NUP160: variants seen among roughly 807,000 people sequenced by gnomAD.
NUP160 encodes the protein nucleoporin 160.
A neutral mutation model predicts 196.9 loss-of-function variants in NUP160; 94 were observed. The ratio of observed to expected loss-of-function variants is 0.48; its 90% CI spans 0.40 to 0.57. NUP160 has a LOEUF of 0.57. Among genes scored for constraint, NUP160 ranks in the 20% least tolerant of loss-of-function variants. The pLI is 0.00. For synonymous variants in NUP160, 605 were observed against 619.7 expected (o/e 0.98, Z 0.35); for missense variants, 1,638 against 1,748.3 (o/e 0.94, Z 1.13).
At chr11:47,783,161 T>C in exon 34 of NUP160, 3 of 1,613,868 alleles carry the variant, frequency 1.9e-6, no homozygotes, top group Non-Finnish European at 2.5e-6. Context: ...AAGGTCATAG[T>C]TTAAGTATAA....
chr11:47,781,764 GGC>G (rs1256213777), intron 34 of NUP160, among the ~76,000 whole-genome samples: 1 of 151,906 alleles, frequency 6.6e-6, no homozygotes, highest in Non-Finnish European at 1.5e-5. Flanking sequence ...ACACAGTCCC[GGC>G]ACACACACAA....
At chr11:47,827,898 T>A (rs988801619) in intron 7 of NUP160, among the ~76,000 whole-genome samples, 1 of 152,124 alleles carries the variant, frequency 6.6e-6, no homozygotes, top group Admixed American at 6.6e-5. Context: ...TGAGACAGGG[T>A]TCCGCTCTGT....
At chr11:47,793,664 G>A (rs1394678896) in intron 27 of NUP160, among the ~76,000 whole-genome samples, 2 of 145,836 alleles carry the variant, frequency 1.4e-5, no homozygotes, top group Admixed American at 1.4e-4. Context: ...ATTGATGGAT[G>A]AACAAAATTT....
intron 19 of NUP160, among the ~76,000 whole-genome samples, chr11:47,806,790 T>TACACACACACAC (rs57141346): frequency 4.5e-5 from 5 of 111,898 alleles, no homozygotes; most frequent in African/African-American, 1.4e-4. Context: ...AAAGCAGCTA[T>TACACACACACAC]ACACACACAC....
intron 10 of NUP160, among the ~76,000 whole-genome samples, chr11:47,818,554 C>CAAAA (rs10627601): frequency 1.6e-5 from 2 of 128,404 alleles, no homozygotes; most frequent in African/African-American, 5.1e-5. Context: ...CAAAACAAAA[C>CAAAA]AAAACAAAAC....
chr11:47,804,249 G>C (rs1162590167), intron 21 of NUP160: 1 of 267,834 alleles, frequency 3.7e-6, no homozygotes, highest in East Asian at 8.4e-5. Flanking sequence ...GAGAAGTAGA[G>C]AAAAATCTCT....
intron 35 of NUP160, chr11:47,779,618 A>G (rs945590522): frequency 1.9e-6 from 1 of 514,404 alleles, no homozygotes; most frequent in African/African-American, 1.9e-5. Flanking sequence ...TCAAGGAAAC[A>G]CTATTGTTTT....
At chr11:47,831,228 G>C (rs540681280) in intron 7 of NUP160, among the ~76,000 whole-genome samples, 2 of 152,168 alleles carry the variant, frequency 1.3e-5, no homozygotes, top group Non-Finnish European at 2.9e-5. Context: ...CCAAGGAAGA[G>C]ACACAAATAA....
At chr11:47,844,204 G>A (rs941141444) in intron 2 of NUP160, among the ~76,000 whole-genome samples, 1 of 152,162 alleles carries the variant, frequency 6.6e-6, no homozygotes, top group African/African-American at 2.4e-5. Context: ...ACCATCATGT[G>A]TGAATTGTGG....
At chr11:47,821,635 C>T (rs750142084) in intron 9 of NUP160, 89 bp downstream of exon 9, 54 of 919,690 alleles carry the variant, frequency 5.9e-5, no homozygotes, top group Non-Finnish European at 9.2e-5. Flanking sequence ...GTTAGGATTA[C>T]AGGCATGAGA....
In NUP160 at chr11:47,848,055, C is replaced by T. The variant is rs545044188; in HGVS notation, c.203-96G>A. On this transcript the variant is annotated intron_variant, in intron 1 of 35. Transcript: ENST00000378460. The stretch of plus-strand genomic sequence containing the variant: ...AGCAGAGAGTGACAGACTGACAACC[C>T]ATACAAAGAAAAGAGGAAAACGTCG... The T allele has an allele frequency of 5.5e-6, 7 of 1,268,184 alleles. No individual in the cohort carries two copies. The Admixed American group carries it at 1.1e-4, about 19-fold the overall frequency. 78.6% of individuals were successfully genotyped at this position (1,268,184 alleles called of 1,614,324 possible).
At chr11:47,843,773 T>C (rs772428449) in intron 2 of NUP160, among the ~76,000 whole-genome samples, 1 of 152,206 alleles carries the variant, frequency 6.6e-6, no homozygotes, top group Non-Finnish European at 1.5e-5. Flanking sequence ...TCCTAATTTA[T>C]TCTCACTTTC....
rs189891657 is a variant in NUP160, at chr11:47,824,399, A to G, written c.1102-2235T>C. Reference sequence around the variant, plus strand: ...GACAGGTGGATCATGAGGTCAGGAGATCGAGACCATCCTGACTAACACGGT... The same window carrying G: ...GACAGGTGGATCATGAGGTCAGGAGGTCGAGACCATCCTGACTAACACGGT... On this transcript the variant is annotated intron_variant, in intron 7 of 35. Coordinates refer to ENST00000378460, the Ensembl canonical transcript of NUP160. Among the ~76,000 whole-genome samples the G allele has an allele frequency of 2.0e-3, 308 of 151,892 alleles. 1 individual carries two copies. The highest frequency in any genetic ancestry group is 0.014 in the Middle Eastern group (4 of 294).
At chr11:47,818,014 T>C (rs1249740226) in intron 11 of NUP160, 42 bp downstream of exon 11, 2 of 1,249,234 alleles carry the variant, frequency 1.6e-6, no homozygotes, top group Non-Finnish European at 1.2e-6. Flanking sequence ...AGTAATAAAA[T>C]AAGAAATAGT....
intron 9 of NUP160, chr11:47,821,513 C>T (rs1053303618): frequency 3.9e-6 from 2 of 516,710 alleles, no homozygotes; most frequent in Admixed American, 3.6e-5. Flanking sequence ...TAGGCACCTG[C>T]CACCAGGCCC....
chr11:47,785,032 T>C, exon 33 of NUP160: 1 of 1,566,306 alleles, frequency 6.4e-7, no homozygotes, highest in Non-Finnish European at 8.7e-7. Context: ...TCCAGGTAAG[T>C]GGATAATAGT....
At chr11:47,831,161 TCAACAACAA>T (rs75205280) in intron 7 of NUP160, among the ~76,000 whole-genome samples, 13 of 150,962 alleles carry the variant, frequency 8.6e-5, no homozygotes, top group South Asian at 6.3e-4. Context: ...AGATTCCATC[TCAACAACAA>T]CAACAACAAC....
intron 4 of NUP160, among the ~76,000 whole-genome samples, chr11:47,838,632 TG>T (rs11457395): frequency 2.0e-5 from 3 of 150,858 alleles, no homozygotes; most frequent in South Asian, 2.1e-4. Flanking sequence ...CACTTGAACC[TG>T]GGGGGGGCGG....
At chr11:47,839,246 C>T (rs1017776046) in intron 4 of NUP160, among the ~76,000 whole-genome samples, 1 of 152,078 alleles carries the variant, frequency 6.6e-6, no homozygotes, top group Non-Finnish European at 1.5e-5. Context: ...CATGGGCCAC[C>T]ATGCCCAGCT....
Sources: gnomAD v4.1 joint callset for allele counts (sites outside exome capture counted in the v4.1 genomes callset) on GRCh38, gnomAD v4.1.1 for gene constraint, MANE v1.5 for transcripts, NCBI Gene and HGNC (gene_info 2026-07-23, HGNC 2026-07-21) for gene names.